Variants in SHISA9 observed in about 807,000 individuals in gnomAD.
SHISA9 encodes protein shisa-9.
A neutral mutation model predicts 38.0 loss-of-function variants in SHISA9; 13 were observed. The observed-to-expected ratio is 0.34, with a 90% confidence interval of 0.22 to 0.54. SHISA9 has a LOEUF of 0.54. Ranked by LOEUF, SHISA9 falls within the 20% of genes least tolerant of loss-of-function variation. The pLI, the probability that SHISA9 is intolerant of heterozygous loss-of-function variation, is 0.91. For missense variants in SHISA9, 538 were observed against 575.8 expected (o/e 0.93, Z 0.67); for synonymous variants, 275 against 242.0 (o/e 1.14, Z -1.27).
chr16:13,019,002 T>C (rs1183435075), intron 2 of SHISA9, among the ~76,000 whole-genome samples: 1 of 152,006 alleles, frequency 6.6e-6, no homozygotes, highest in Admixed American at 6.6e-5. Flanking sequence ...ATGTATTTTC[T>C]TTTTTTTCTT....
the SHISA9 span, among the ~76,000 whole-genome samples, chr16:13,429,969 G>A: frequency 6.6e-6 from 1 of 152,082 alleles, no homozygotes; most frequent in Non-Finnish European, 1.5e-5. Flanking sequence ...AGATAATTAA[G>A]GTTAAATGGG....
chr16:13,295,411 A>T, the SHISA9 span, among the ~76,000 whole-genome samples: 2 of 152,104 alleles, frequency 1.3e-5, no homozygotes, highest in African/African-American at 2.4e-5. Flanking sequence ...AACACAACCA[A>T]TCCTTCAAAA....
At chr16:13,118,180 T>TAAA (rs543126630) in intron 2 of SHISA9, among the ~76,000 whole-genome samples, 2,955 of 83,908 alleles carry the variant, frequency 0.035, 57 homozygotes, top group Middle Eastern at 0.094. Context: ...AGACTTCGTC[T>TAAA]AAAAAAAAAA....
intron 2 of SHISA9, among the ~76,000 whole-genome samples, chr16:13,025,305 A>G (rs939063264): frequency 1.3e-5 from 2 of 152,192 alleles, no homozygotes; most frequent in African/African-American, 2.4e-5. Flanking sequence ...TAGACCTACA[A>G]ATTCTCAGGA....
chr16:13,444,973 C>A, the SHISA9 span, among the ~76,000 whole-genome samples: 2 of 128,392 alleles, frequency 1.6e-5, no homozygotes, highest in African/African-American at 5.7e-5. Flanking sequence ...CACACACCAC[C>A]ATGCCTAGCT....
intron 2 of SHISA9, among the ~76,000 whole-genome samples, chr16:13,013,163 G>A (rs1466023631): frequency 1.3e-5 from 2 of 152,162 alleles, no homozygotes. Flanking sequence ...AACAGCATCA[G>A]GAACCCTGGG....
At chr16:13,097,757 A>G (rs1274420302) in intron 2 of SHISA9, among the ~76,000 whole-genome samples, 1 of 152,112 alleles carries the variant, frequency 6.6e-6, no homozygotes, top group Non-Finnish European at 1.5e-5. Context: ...ATTCCTATAT[A>G]GAGTGCAGCT....
At chr16:12,929,011 C>T (rs923285164) in intron 2 of SHISA9, among the ~76,000 whole-genome samples, 49 of 152,160 alleles carry the variant, frequency 3.2e-4, no homozygotes, top group African/African-American at 1.2e-3. Context: ...GAAAAGAAGA[C>T]ATACATGTGG....
chr16:13,399,194 G>A, the SHISA9 span, among the ~76,000 whole-genome samples: 1 of 152,072 alleles, frequency 6.6e-6, no homozygotes, highest in East Asian at 1.9e-4. Context: ...GGCAGATGCA[G>A]TGGGCTGAGG....
At chr16:13,305,741 C>G in the SHISA9 span, among the ~76,000 whole-genome samples, 23 of 152,332 alleles carry the variant, frequency 1.5e-4, no homozygotes, top group African/African-American at 4.1e-4. Flanking sequence ...CCAACTAGAT[C>G]ACTTTGATCC....
chr16:13,544,299 C>G, the SHISA9 span, among the ~76,000 whole-genome samples: 1 of 148,494 alleles, frequency 6.7e-6, no homozygotes, highest in African/African-American at 2.5e-5. Flanking sequence ...ATAAGGAAAC[C>G]TTAGCCTCAG....
intron 2 of SHISA9, among the ~76,000 whole-genome samples, chr16:12,986,817 A>G (rs1168793059): frequency 6.6e-6 from 1 of 152,242 alleles, no homozygotes; most frequent in East Asian, 1.9e-4. Flanking sequence ...AGATGAAAAT[A>G]CTGAGGCTTA....
chr16:13,411,604 T>C, the SHISA9 span, among the ~76,000 whole-genome samples: 2 of 152,224 alleles, frequency 1.3e-5, no homozygotes, highest in African/African-American at 4.8e-5. Context: ...CCTGAGCCTG[T>C]TGTTTTCATT....
At chr16:13,556,629 C>T in the SHISA9 span, among the ~76,000 whole-genome samples, 4 of 151,976 alleles carry the variant, frequency 2.6e-5, no homozygotes, top group African/African-American at 7.3e-5. Context: ...CGCCATTGCA[C>T]TCCAGCCTGG....
intron 4 of SHISA9, among the ~76,000 whole-genome samples, chr16:13,218,975 G>A (rs1299078334): frequency 1.3e-5 from 2 of 152,158 alleles, no homozygotes; most frequent in Non-Finnish European, 2.9e-5. Context: ...GTCATGAGCC[G>A]CCGGGTGCAA....
the SHISA9 span, among the ~76,000 whole-genome samples, chr16:13,514,544 C>T: frequency 6.6e-6 from 1 of 152,240 alleles, no homozygotes; most frequent in East Asian, 1.9e-4. Context: ...CTAACCTGAA[C>T]TTCCAGAGGT....
At chr16:13,358,838 TTGAC>T in the SHISA9 span, among the ~76,000 whole-genome samples, 3 of 152,188 alleles carry the variant, frequency 2.0e-5, no homozygotes, top group Admixed American at 6.5e-5. Context: ...CATGATATGA[TTGAC>T]AGGCCTAGAA....
intron 2 of SHISA9, among the ~76,000 whole-genome samples, chr16:13,165,816 A>C (rs527694322): frequency 6.6e-6 from 1 of 152,208 alleles, no homozygotes; most frequent in Non-Finnish European, 1.5e-5. Context: ...TTTATCGAGC[A>C]CTTAAAAATG....
chr16:12,970,469 GTATATATATATATATA>G (rs781120776), intron 2 of SHISA9, among the ~76,000 whole-genome samples: 1 of 24,044 alleles, frequency 4.2e-5, no homozygotes, highest in African/African-American at 1.7e-4. Flanking sequence ...ATATGTGTGT[GTATATATATATATATA>G]TATATATATA....
Sources: allele counts gnomAD v4.1 joint callset (sites outside exome capture counted in the v4.1 genomes callset), GRCh38; gene constraint gnomAD v4.1.1; transcripts MANE v1.5; gene names NCBI Gene and HGNC (gene_info 2026-07-23, HGNC 2026-07-21).